The following LEPROT variants were observed in gnomAD, a reference collection of about 807,000 sequenced individuals.
LEPROT encodes the protein leptin receptor overlapping transcript, also known as leptin receptor gene-related protein.
Under a neutral mutation model 15.4 loss-of-function variants are expected in LEPROT, and 3 were observed. The observed-to-expected ratio is 0.19, with a 90% CI of 0.09 to 0.50. The LOEUF is 0.50. LEPROT is among the 20% of genes least tolerant of loss of function. LEPROT has a pLI of 0.97. For missense variants in LEPROT, 137 were observed against 162.2 expected, an observed-to-expected ratio of 0.84 and a Z score of 0.84; for synonymous variants, 59 against 57.5, an observed-to-expected ratio of 1.03 and a Z score of -0.12.
At chr1:65,424,903 G>A (rs997368085) in intron 1 of LEPROT, among the ~76,000 whole-genome samples, 5 of 152,166 alleles carry the variant, frequency 3.3e-5, no homozygotes, top group African/African-American at 4.8e-5. Flanking sequence ...AGCATCTCAC[G>A]GTGAGAGGGA....
chr1:65,423,491 G>A lies in LEPROT; in HGVS notation c.17-1812G>A, dbSNP rs551168169. Among the ~76,000 whole-genome samples the A allele has an allele frequency of 2.0e-5, 3 of 152,254 alleles. No homozygotes were observed. The South Asian group carries it at 6.2e-4, about 32-fold the overall frequency. ...GCTTTGACAGGCCTCATGGAGGAGG[G>A]GGTACTGCCGATGGTCAGGCACAGA... On this transcript the variant is annotated intron_variant, in intron 1 of 3. Transcript: ENST00000371065.
In LEPROT at chr1:65,425,938, A is replaced by G. The variant is rs139212101; in HGVS notation, c.92+560A>G. ...GTTGGTTGAATGCTTCCCATGTGCC[A>G]GCTACTGTTATGGGAACTAGGGATT... is the stretch of plus-strand genomic sequence containing the variant. On this transcript the variant is annotated intron_variant, in intron 2 of 3. Transcript: ENST00000371065. Among the ~76,000 whole-genome samples the G allele has an allele frequency of 2.6e-3, 390 of 152,302 alleles. 4 individuals carry two copies. The highest frequency in any genetic ancestry group is 0.02 in the Middle Eastern group (6 of 294).
chr1:65,427,164 C>T, intron 2 of LEPROT, among the ~76,000 whole-genome samples: 1 of 152,156 alleles, frequency 6.6e-6, no homozygotes, highest in African/African-American at 2.4e-5. Context: ...TGTTTAGAGC[C>T]TTCACAGCAA....
In LEPROT at chr1:65,421,865, GA is replaced by G. The variant is rs1247712543; in HGVS notation, c.16+1133del. On this transcript the variant is annotated intron_variant, in intron 1 of 3. Transcript: ENST00000371065. ...ATGTGTTAGAAAATTGTGATGTAGT[GA>G]AAAAAAAGGAAGTCTGAAATGGAAA... 1.8e-4 allele frequency among the ~76,000 whole-genome samples: 28 copies of G among 151,838 alleles called. No homozygotes were observed. In the East Asian group the frequency reaches 3.9e-3, roughly 21 times the overall value.
rs34188593 is a variant in LEPROT at position 65,435,367 on chromosome 1, T to C, written c.*3448T>C. On this transcript the variant is annotated 3_prime_UTR_variant, in exon 4 of 4. Coordinates refer to ENST00000371065, the MANE Select transcript of LEPROT (RefSeq NM_017526.5). ...GTCACAAAATGTGCCTTTTCTTTTC[T>C]TTTTTTTTTTTTTTTTTTGAGGCAG... 2.9e-6 allele frequency: 1 copy of C among 346,128 alleles called. No homozygotes were observed. The highest frequency in any genetic ancestry group is 1.3e-4 in the South Asian group (1 of 7,544). The allele number at this position is 346,128 out of a possible 1,614,324, so 21.4% of individuals were successfully genotyped here.
chr1:65,425,445 A>AG, intron 2 of LEPROT, 67 bp downstream of exon 2: 2 of 1,390,838 alleles, frequency 1.4e-6, no homozygotes, highest in Non-Finnish European at 2.0e-6. Context: ...TATGGGTGTT[A>AG]GAGAGTTCGG....
In LEPROT at chr1:65,435,011, T is replaced by C. The variant is rs1646539189; in HGVS notation, c.*3092T>C. On this transcript the variant is annotated 3_prime_UTR_variant, in exon 4 of 4. Coordinates refer to ENST00000371065, the MANE Select transcript of LEPROT (RefSeq NM_017526.5). ...TCCCATGACTGCTGCACCTGCGTTT[T>C]TAGAGAATGCCTCATAACCCACTGA... 1.0e-6 allele frequency: 1 copy of C among 985,432 alleles called. No individual in the cohort carries two copies. Among genetic ancestry groups the C allele is most frequent in the African/African-American group, 1.7e-5 (1 of 57,360 alleles). The allele number at this position is 985,432 out of a possible 1,614,324, so 61.0% of individuals were successfully genotyped here. A position where few individuals can be genotyped will look rare whatever the true frequency, so the allele number is the denominator to read the frequency against.
intron 1 of LEPROT, among the ~76,000 whole-genome samples, chr1:65,422,866 G>T (rs1313067809): frequency 2.6e-5 from 4 of 152,324 alleles, no homozygotes; most frequent in African/African-American, 9.6e-5. Context: ...CAACCGCAAA[G>T]GGATGGCAGC....
At position 65,433,083 on chromosome 1, in the gene LEPROT, C is replaced by T. The variant is rs934328186; in HGVS notation, c.*1164C>T. 2.3e-5 allele frequency: 23 copies of T among 985,322 alleles called. No homozygotes were observed. The highest frequency in any genetic ancestry group is 1.0e-4 in the African/African-American group (6 of 57,334). The allele number at this position is 985,322 out of a possible 1,614,324, so 61.0% of individuals were successfully genotyped here. On this transcript the variant is annotated 3_prime_UTR_variant, in exon 4 of 4. Transcript: ENST00000371065. ...GAGGCTGGGCTCGAGCCAGCCCCTG[C>T]GTTAGCAGGAGGGGGAGAACAGATA...
chr1:65,424,804 T>G (rs1646326266), intron 1 of LEPROT, among the ~76,000 whole-genome samples: 1 of 152,136 alleles, frequency 6.6e-6, no homozygotes, highest in African/African-American at 2.4e-5. Context: ...ACTTTCTCTC[T>G]TCTTATAAGG....
intron 1 of LEPROT, among the ~76,000 whole-genome samples, chr1:65,423,635 A>C (rs1646298212): frequency 6.6e-6 from 1 of 152,196 alleles, no homozygotes; most frequent in African/African-American, 2.4e-5. Context: ...AGATATGTTA[A>C]AATTGACAGT....
chr1:65,427,429 G>A (rs968659100), intron 2 of LEPROT, among the ~76,000 whole-genome samples: 1 of 152,140 alleles, frequency 6.6e-6, no homozygotes, highest in African/African-American at 2.4e-5. Context: ...AAATAAGCCA[G>A]GCATGGTGCC....
intron 1 of LEPROT, among the ~76,000 whole-genome samples, 160 bp from the exon 2 acceptor site, chr1:65,425,143 G>A (rs1646334542): frequency 6.6e-6 from 1 of 152,002 alleles, no homozygotes. Context: ...AGTATATTCA[G>A]AAGGTTATGC....
chr1:65,425,834 A>G (rs543779325), intron 2 of LEPROT, among the ~76,000 whole-genome samples: 2 of 152,214 alleles, frequency 1.3e-5, no homozygotes, highest in Non-Finnish European at 2.9e-5. Context: ...TGGATGAATA[A>G]GAGTTTTTCA....
At position 65,435,779 on chromosome 1, in the gene LEPROT, ATAT is replaced by A. The variant is rs1557589269; in HGVS notation, c.*3864_*3866del. On this transcript the variant is annotated 3_prime_UTR_variant, in exon 4 of 4. Transcript: ENST00000371065. Reference sequence around the variant, plus strand: ...ATAGTAATTAGTTCACAACTGAGAAATATTATGTCTGTAGTAGATAAATATTAG... The same window carrying A: ...ATAGTAATTAGTTCACAACTGAGAAATATGTCTGTAGTAGATAAATATTAG... 6.1e-6 allele frequency: 6 copies of A among 980,866 alleles called. No individual in the cohort carries two copies. The East Asian group carries it at 3.4e-4, about 56-fold the overall frequency. 60.8% of individuals were successfully genotyped at this position (980,866 alleles called of 1,614,324 possible). A position where few individuals can be genotyped will look rare whatever the true frequency, so the allele number is the denominator to read the frequency against.
intron 1 of LEPROT, among the ~76,000 whole-genome samples, chr1:65,424,521 A>G (rs901604542): frequency 6.7e-6 from 1 of 148,786 alleles, no homozygotes; most frequent in African/African-American, 2.5e-5. Context: ...AGGTACTGGA[A>G]TTACTTGAGA....
chr1:65,430,383 A>G lies in LEPROT; in HGVS notation c.279+335A>G, dbSNP rs560905949. ...CTAGCAGTACTTTTCTAGTTGCAAG[A>G]TGAAGATATTTCAAATTCTTCTCCT... On this transcript the variant is annotated intron_variant, in intron 3 of 3. Coordinates refer to ENST00000371065, the MANE Select transcript of LEPROT (RefSeq NM_017526.5). 2.2e-4 allele frequency: 39 copies of G among 177,100 alleles called. No homozygotes were observed. The South Asian group carries it at 3.0e-3, about 13-fold the overall frequency. 11.0% of individuals were successfully genotyped at this position (177,100 alleles called of 1,614,324 possible).
Position 65,434,396 on chromosome 1 carries a change from C to G in LEPROT, c.*2477C>G, listed in dbSNP as rs1287867656. On this transcript the variant is annotated 3_prime_UTR_variant, in exon 4 of 4. Coordinates refer to ENST00000371065, the MANE Select transcript of LEPROT (RefSeq NM_017526.5). Reference sequence around the variant, plus strand: ...ATAGTCGAAAACTGAGATTGCACTTCCAAAATTGGCCACAAGTAAATAATC... The same window carrying G: ...ATAGTCGAAAACTGAGATTGCACTTGCAAAATTGGCCACAAGTAAATAATC... 1 of 985,180 alleles carries G rather than the reference C, an allele frequency of 1.0e-6. No individual in the cohort carries two copies. Among genetic ancestry groups the G allele is most frequent in the Non-Finnish European group, 1.2e-6 (1 of 829,924 alleles). The allele number at this position is 985,180 out of a possible 1,614,324, so 61.0% of individuals were successfully genotyped here.
In LEPROT at chr1:65,420,679, GC is replaced by G; in HGVS notation, c.-44del. The G allele has an allele frequency of 6.4e-7, 1 of 1,565,090 alleles. No homozygotes were observed. The stretch of plus-strand genomic sequence containing the variant: ...GGTCTGGCTTGGGCAGGCTGCCCGG[GC>G]CGTGGCAGGAAGCCGGAAGCAGCCG... On this transcript the variant is annotated 5_prime_UTR_variant, in exon 1 of 4. Coordinates refer to ENST00000371065, the MANE Select transcript of LEPROT (RefSeq NM_017526.5).
Sources: gnomAD v4.1 joint callset for allele counts (sites outside exome capture counted in the v4.1 genomes callset) on GRCh38, gnomAD v4.1.1 for gene constraint, MANE v1.5 for transcripts, NCBI Gene and HGNC (gene_info 2026-07-23, HGNC 2026-07-21) for gene names.